The following DYSF variants were observed in gnomAD, a reference collection of about 807,000 sequenced individuals.
DYSF encodes the protein dysferlin.
A neutral mutation model predicts 274.9 loss-of-function variants in DYSF; 212 were observed. The ratio of observed to expected loss-of-function variants is 0.77; its 90% CI spans 0.69 to 0.86. The LOEUF (loss-of-function observed/expected upper bound fraction) is 0.86, where lower values mean the gene tolerates loss of function less well. DYSF is among the 40% of genes least tolerant of loss of function. The pLI, the probability that DYSF is intolerant of heterozygous loss-of-function variation, is 0.00. For synonymous variants in DYSF, 1,091 were observed against 1,078.7 expected (o/e 1.01, Z -0.22); for missense variants, 2,666 against 2,783.2 (o/e 0.96, Z 0.95).
intron 41 of DYSF, among the ~76,000 whole-genome samples, chr2:71,640,197 G>A (rs905363453): frequency 2.0e-5 from 3 of 152,198 alleles, no homozygotes; most frequent in Admixed American, 2.0e-4. Flanking sequence ...ATTGGCAGAG[G>A]CACCTATATG....
intron 42 of DYSF, among the ~76,000 whole-genome samples, chr2:71,645,360 C>T (rs747135289): frequency 6.6e-6 from 1 of 152,068 alleles, no homozygotes; most frequent in Admixed American, 6.5e-5. Flanking sequence ...CCTGGACTCT[C>T]CTCCCACCAC....
At chr2:71,566,777 C>T (rs1288490455) in intron 24 of DYSF, among the ~76,000 whole-genome samples, 1 of 152,162 alleles carries the variant, frequency 6.6e-6, no homozygotes, top group Non-Finnish European at 1.5e-5. Flanking sequence ...GGGCATGACA[C>T]GTGGACTCAG....
In DYSF at chr2:71,466,869, C is replaced by T. The variant is rs1338065985; in HGVS notation, c.27C>T (p.Ala9=). ...TGCTGTGCTGCCTGCTGGTGAGGGC[C>T]AGCAACCTCCCCAGTGCGAAGAAGG... MLCCLLVR[A]SNLPSAKKDR... The change falls in exon 1 of 56, where the codon GCC becomes GCT. Residue 9 remains alanine, a synonymous_variant. Coordinates refer to ENST00000410020, the MANE Select transcript of DYSF (RefSeq NM_001130987.2). 1 of 1,547,434 alleles carries T rather than the reference C, an allele frequency of 6.5e-7. No homozygotes were observed. Among genetic ancestry groups the T allele is most frequent in the Non-Finnish European group, 8.7e-7 (1 of 1,143,954 alleles).
intron 39 of DYSF, 30 bp from the exon 40 acceptor site, chr2:71,613,304 C>A (rs1377958469): frequency 6.3e-7 from 1 of 1,598,460 alleles, no homozygotes; most frequent in Non-Finnish European, 8.5e-7. Context: ...GAGAGCCCCT[C>A]TCAGGCCTGG....
chr2:71,498,854 G>A (rs1232209048), intron 3 of DYSF, among the ~76,000 whole-genome samples: 1 of 152,130 alleles, frequency 6.6e-6, no homozygotes, highest in Non-Finnish European at 1.5e-5. Flanking sequence ...TTTTTGCAAA[G>A]CCGGTTTCAT....
chr2:71,600,046 G>T (rs2093510325), intron 33 of DYSF, among the ~76,000 whole-genome samples: 1 of 152,188 alleles, frequency 6.6e-6, no homozygotes, highest in African/African-American at 2.4e-5. Flanking sequence ...CTTCTCGGGG[G>T]GACTCGGCAG....
chr2:71,566,706 G>C (rs1006985536), intron 24 of DYSF, among the ~76,000 whole-genome samples: 1 of 152,196 alleles, frequency 6.6e-6, no homozygotes, highest in African/African-American at 2.4e-5. Context: ...GGAGGGTAAA[G>C]GCAGTTAACC....
chr2:71,557,644 G>C (rs1233848484), intron 22 of DYSF, among the ~76,000 whole-genome samples: 2 of 152,112 alleles, frequency 1.3e-5, no homozygotes, highest in Admixed American at 6.5e-5. Flanking sequence ...AGGGGTGGGG[G>C]CTAGGGCAGC....
chr2:71,649,612 T>C (rs1229296726), intron 42 of DYSF, among the ~76,000 whole-genome samples: 1 of 152,016 alleles, frequency 6.6e-6, no homozygotes, highest in African/African-American at 2.4e-5. Context: ...CTGAGATCAT[T>C]CCAGCTATCA....
chr2:71,543,795 G>A (rs1383926224), intron 17 of DYSF, among the ~76,000 whole-genome samples: 1 of 152,168 alleles, frequency 6.6e-6, no homozygotes, highest in Non-Finnish European at 1.5e-5. Context: ...AGGTTGCAGT[G>A]AGCAGAGATG....
intron 45 of DYSF, among the ~76,000 whole-genome samples, chr2:71,663,185 C>A (rs3791827): frequency 6.6e-6 from 1 of 151,850 alleles, no homozygotes; most frequent in Non-Finnish European, 1.5e-5. Flanking sequence ...CTCATGTGCC[C>A]ACCACCGCTG....
chr2:71,523,112 G>A (rs867237812), intron 12 of DYSF, among the ~76,000 whole-genome samples: 2 of 152,150 alleles, frequency 1.3e-5, no homozygotes, highest in Admixed American at 1.3e-4. Flanking sequence ...ACAGTGCTTC[G>A]GCAATGATCA....
At chr2:71,643,941 G>A (rs543878367) in intron 41 of DYSF, 24 bp from the exon 42 acceptor site, 1 of 1,577,274 alleles carries the variant, frequency 6.3e-7, no homozygotes, top group East Asian at 2.2e-5. Flanking sequence ...TTCTGAAATG[G>A]TCTCTTTCTT....
At chr2:71,513,357 T>A in intron 6 of DYSF, 25 bp downstream of exon 6, 1 of 1,546,980 alleles carries the variant, frequency 6.5e-7, no homozygotes, top group East Asian at 2.5e-5. Flanking sequence ...AGGACTGTCC[T>A]GATCCCAGAC....
intron 30 of DYSF, chr2:71,588,674 A>G: frequency 6.6e-6 from 1 of 152,524 alleles, no homozygotes; most frequent in Non-Finnish European, 1.5e-5. Context: ...AGTGGAGTAG[A>G]GACCGTTTTA....
At chr2:71,542,898 G>A (rs1340671553) in intron 17 of DYSF, among the ~76,000 whole-genome samples, 2 of 152,244 alleles carry the variant, frequency 1.3e-5, no homozygotes, top group Non-Finnish European at 2.9e-5. Context: ...ACACCTCGCA[G>A]ATGGGGTGGC....
intron 30 of DYSF, among the ~76,000 whole-genome samples, chr2:71,581,571 T>A (rs1453420781): frequency 6.6e-6 from 1 of 152,216 alleles, no homozygotes; most frequent in Non-Finnish European, 1.5e-5. Context: ...TGACTTGGCA[T>A]TCAACCATCT....
intron 14 of DYSF, among the ~76,000 whole-genome samples, chr2:71,533,699 G>A (rs769659943): frequency 7.2e-5 from 11 of 152,182 alleles, no homozygotes; most frequent in Non-Finnish European, 1.5e-4. Context: ...ATTGTCCTCT[G>A]AAGGGGTCAA....
At chr2:71,526,421 C>CGGGGGGGGGGGGGGGGGGGGTGGGG in intron 13 of DYSF, 75 bp downstream of exon 13, 1 of 272,072 alleles carries the variant, frequency 3.7e-6, no homozygotes, top group Non-Finnish European at 6.7e-6. Flanking sequence ...TGGGCGATGG[C>CGGGGGGGGGGGGGGGGGGGGTGGGG]GGGCGGGGTC....
Sources: allele counts gnomAD v4.1 joint callset (sites outside exome capture counted in the v4.1 genomes callset), GRCh38; gene constraint gnomAD v4.1.1; transcripts MANE v1.5; gene names NCBI Gene and HGNC (gene_info 2026-07-23, HGNC 2026-07-21).